Variants in PAN3 observed in about 807,000 individuals in gnomAD.
The protein encoded by PAN3 is PAN2-PAN3 deadenylation complex subunit PAN3.
A neutral mutation model predicts 96.2 loss-of-function variants in PAN3; 19 were observed. That is an observed-to-expected ratio of 0.20 (90% CI 0.14 to 0.29). PAN3 has a LOEUF of 0.29. Among genes scored for constraint, PAN3 ranks in the 10% least tolerant of loss-of-function variants. PAN3 has a pLI of 1.00. For missense variants in PAN3, 882 were observed against 1,108.1 expected (o/e 0.80, Z 2.90); for synonymous variants, 433 against 406.6 (o/e 1.06, Z -0.78).
chr13:28,209,619 A>G (rs1879788545), intron 5 of PAN3, among the ~76,000 whole-genome samples: 1 of 152,200 alleles, frequency 6.6e-6, no homozygotes, highest in South Asian at 2.1e-4. Context: ...CTATAATAAA[A>G]AAGTGCTGTG....
chr13:28,176,679 A>G (rs1875051315), intron 3 of PAN3, 120 bp downstream of exon 3: 8 of 967,984 alleles, frequency 8.3e-6, no homozygotes, highest in Non-Finnish European at 1.1e-5. Flanking sequence ...GAAAATAAAA[A>G]TTATTATCTT....
chr13:28,263,470 C>T (rs1416660529), intron 9 of PAN3, among the ~76,000 whole-genome samples: 1 of 152,180 alleles, frequency 6.6e-6, no homozygotes, highest in Non-Finnish European at 1.5e-5. Context: ...GTAGCTGGGA[C>T]TACAGGTGTA....
intron 6 of PAN3, among the ~76,000 whole-genome samples, chr13:28,253,280 T>A (rs1884882778): frequency 6.6e-6 from 1 of 151,246 alleles, no homozygotes; most frequent in African/African-American, 2.4e-5. Flanking sequence ...GTAGTGTGGT[T>A]CTATTCTTTC....
intron 6 of PAN3, among the ~76,000 whole-genome samples, chr13:28,229,717 C>CT (rs1882341311): frequency 6.6e-6 from 1 of 152,166 alleles, no homozygotes; most frequent in South Asian, 2.1e-4. Flanking sequence ...TTTTTATTGG[C>CT]TTTTTTATTG....
At chr13:28,268,966 A>G (rs1263853359) in intron 12 of PAN3, among the ~76,000 whole-genome samples, 1 of 152,168 alleles carries the variant, frequency 6.6e-6, no homozygotes, top group African/African-American at 2.4e-5. Context: ...ATGTGGTACA[A>G]CTATTCTTAT....
intron 1 of PAN3, among the ~76,000 whole-genome samples, chr13:28,142,477 A>G (rs950931937): frequency 6.7e-6 from 1 of 148,884 alleles, no homozygotes; most frequent in Non-Finnish European, 1.5e-5. Flanking sequence ...TTCATTGGTT[A>G]ATTATGTGTG....
intron 5 of PAN3, among the ~76,000 whole-genome samples, chr13:28,204,926 T>C (rs1879173136): frequency 6.6e-6 from 1 of 152,248 alleles, no homozygotes; most frequent in Non-Finnish European, 1.5e-5. Flanking sequence ...GGGGATCCAT[T>C]TGATTTCATT....
rs763708272 is a variant in PAN3, at chr13:28,138,991, C to G, written c.334C>G (p.Pro112Ala). 14 of 1,273,092 alleles carry G rather than the reference C, an allele frequency of 1.1e-5. No individual in the cohort carries two copies. Among genetic ancestry groups the G allele is most frequent in the African/African-American group, 1.5e-5 (1 of 64,606 alleles). The allele number at this position is 1,273,092 out of a possible 1,614,324, so 78.9% of individuals were successfully genotyped here. A position where few individuals can be genotyped will look rare whatever the true frequency, so the allele number is the denominator to read the frequency against. Residue 112 changes from proline to alanine, a missense_variant, in exon 1 of 19, where the codon CCC becomes GCC. By Grantham distance (27) the Pro-to-Ala change is conservative (BLOSUM62 -1). This residue lies in a region of PAN3 where 442 missense variants were observed against 422.8 expected (regional missense o/e 1.05). Coordinates refer to ENST00000380958, the MANE Select transcript of PAN3 (RefSeq NM_175854.8). ...CGCGGGCGGGGGAGCTGGGCCGCCC[C>G]CCGGGCCCAAGAAGCCGGACCTGGG... is the stretch of plus-strand genomic sequence containing the variant. ...AVAGGGAGPP[P>A]GPKKPDLGDP... is the part of the protein sequence containing the mutation.
rs758178285 is a variant in PAN3, at chr13:28,280,396, C to G, written c.2190-16C>G. 1.1e-5 allele frequency: 18 copies of G among 1,593,604 alleles called. No individual in the cohort carries two copies. The East Asian group carries it at 3.6e-4, about 32-fold the overall frequency. Reference sequence around the variant, plus strand: ...CATGTTGGACATCCAAGTAATTCCTCTTTTATCTTGGGTAGGTATTTGTTG... The same window carrying G: ...CATGTTGGACATCCAAGTAATTCCTGTTTTATCTTGGGTAGGTATTTGTTG... On this transcript the variant is annotated splice_polypyrimidine_tract_variant and intron_variant, in intron 15 of 18. Transcript: ENST00000380958.
In PAN3 at chr13:28,267,416, C is replaced by T. The variant is rs770648349; in HGVS notation, c.1792+15C>T. The T allele has an allele frequency of 6.3e-7, 1 of 1,578,350 alleles. No individual in the cohort carries two copies. Among genetic ancestry groups the T allele is most frequent in the Non-Finnish European group, 8.7e-7 (1 of 1,147,978 alleles). On this transcript the variant is annotated intron_variant, in intron 12 of 18. Transcript: ENST00000380958. ...GAGAAAGTGGGGTAAGAAAAAGATG[C>T]AGGCAAACTATATTTTGACTAATGC...
chr13:28,140,611 G>A (rs1482011946), intron 1 of PAN3, among the ~76,000 whole-genome samples: 5 of 152,088 alleles, frequency 3.3e-5, no homozygotes, highest in African/African-American at 1.2e-4. Context: ...GGAACTCCTG[G>A]GCTCAAGCGA....
intron 4 of PAN3, among the ~76,000 whole-genome samples, chr13:28,195,833 C>T (rs1029139691): frequency 6.6e-6 from 1 of 152,108 alleles, no homozygotes. Flanking sequence ...CTGCACCCAG[C>T]CTTGTCCTCT....
intron 1 of PAN3, among the ~76,000 whole-genome samples, chr13:28,149,511 C>T (rs574812532): frequency 6.6e-6 from 1 of 152,210 alleles, no homozygotes; most frequent in East Asian, 1.9e-4. Flanking sequence ...TTAATAAGTT[C>T]ATATTTGTAA....
intron 1 of PAN3, among the ~76,000 whole-genome samples, chr13:28,155,729 A>T (rs568518312): frequency 2.0e-4 from 31 of 152,346 alleles, no homozygotes; most frequent in African/African-American, 7.2e-4. Flanking sequence ...ATATATACAC[A>T]CACATATACA....
intron 14 of PAN3, among the ~76,000 whole-genome samples, chr13:28,273,852 T>A (rs943938568): frequency 2.6e-5 from 4 of 152,240 alleles, no homozygotes; most frequent in South Asian, 4.1e-4. Flanking sequence ...CTTTTCAACT[T>A]ATTTTGTTTA....
chr13:28,293,088 GA>G lies in PAN3; in HGVS notation c.*567del. The G allele has an allele frequency of 6.6e-6, 1 of 152,268 alleles. No individual in the cohort carries two copies. The highest frequency in any genetic ancestry group is 2.4e-5 in the African/African-American group (1 of 41,544). 9.4% of individuals were successfully genotyped at this position (152,268 alleles called of 1,614,324 possible). A position where few individuals can be genotyped will look rare whatever the true frequency, so the allele number is the denominator to read the frequency against. The stretch of plus-strand genomic sequence containing the variant: ...GCCACCCACTGTTAGTTCAAATTGA[GA>G]TTTTTGTTTTGTTTTGTTCTTAAGA... On this transcript the variant is annotated 3_prime_UTR_variant, in exon 19 of 19. Coordinates refer to ENST00000380958, the MANE Select transcript of PAN3 (RefSeq NM_175854.8).
chr13:28,181,350 A>C (rs943810344), intron 4 of PAN3, among the ~76,000 whole-genome samples: 3 of 152,164 alleles, frequency 2.0e-5, no homozygotes, highest in East Asian at 1.9e-4. Context: ...CTCTACTAAA[A>C]GCCAAAAACA....
chr13:28,165,273 C>T (rs1873385816), intron 1 of PAN3, among the ~76,000 whole-genome samples: 1 of 147,416 alleles, frequency 6.8e-6, no homozygotes, highest in Admixed American at 6.8e-5. Context: ...TTGATTTATA[C>T]TTATATATCC....
At chr13:28,271,016 A>AT in intron 13 of PAN3, 150 bp downstream of exon 13, 1 of 918,914 alleles carries the variant, frequency 1.1e-6, no homozygotes, top group Non-Finnish European at 1.6e-6. Context: ...AGCTTTTTAA[A>AT]GAAAAAAAAA....
Sources: gnomAD v4.1 joint callset for allele counts (sites outside exome capture counted in the v4.1 genomes callset) on GRCh38, gnomAD v4.1.1 for gene constraint, gnomAD v4.1.1 regional missense constraint, MANE v1.5 for transcripts, NCBI Gene and HGNC (gene_info 2026-07-23, HGNC 2026-07-21) for gene names.